The following CEMIP2 variants were observed in gnomAD, a reference collection of about 807,000 sequenced individuals.
CEMIP2 encodes the protein cell surface hyaluronidase CEMIP2.
In CEMIP2, 79 loss-of-function variants were observed where a neutral mutation model predicts 146.9. That is an observed-to-expected ratio of 0.54 (90% CI 0.45 to 0.65). The LOEUF is 0.65. CEMIP2 is among the 30% of genes least tolerant of loss of function. The pLI is 0.00. For missense variants in CEMIP2, 1,596 were observed against 1,696.2 expected (o/e 0.94, Z 1.04); for synonymous variants, 601 against 606.3 (o/e 0.99, Z 0.13).
chr9:71,700,397 G>A (rs771568310), intron 19 of CEMIP2, among the ~76,000 whole-genome samples: 32 of 152,028 alleles, frequency 2.1e-4, no homozygotes, highest in Non-Finnish European at 2.5e-4. Context: ...ATTCTTCATC[G>A]ACAAGGGATA....
intron 12 of CEMIP2, 37 bp downstream of exon 12, chr9:71,722,390 G>T: frequency 6.5e-7 from 1 of 1,540,230 alleles, no homozygotes; most frequent in Non-Finnish European, 8.9e-7. Flanking sequence ...CTTTGGCAAA[G>T]TATAGCTTGA....
In CEMIP2 at chr9:71,709,335, T is replaced by C; in HGVS notation, c.2909A>G (p.Asn970Ser). The C allele has an allele frequency of 6.2e-7, 1 of 1,614,194 alleles. No individual in the cohort carries two copies. The highest frequency in any genetic ancestry group is 2.2e-5 in the East Asian group (1 of 44,874). The change falls in exon 17 of 24, where the codon AAC becomes AGC. Residue 970 changes from asparagine to serine, a missense_variant. By Grantham distance (46) the Asn-to-Ser change is conservative. Transcript: ENST00000377044. ...YKDAYVGRMD[N>S]YLIRHPSCVN... ...ACAGCTTGGATGGCGGATCAGGTAG[T>C]TGTCCATTCTTCCCACATAAGCATC...
rs893187005 is a variant in CEMIP2 at position 71,697,819 on chromosome 9, T to C, written c.3597+166A>G. ...TATCTCTGTCATAAATTTGAACTAGTTTGCTTCTTACGCGCTTCACATTTT... is the reference window on the plus strand; with the variant it reads ...TATCTCTGTCATAAATTTGAACTAGCTTGCTTCTTACGCGCTTCACATTTT... On this transcript the variant is annotated intron_variant, in intron 20 of 23. Transcript: ENST00000377044. The C allele has an allele frequency of 3.5e-5, 22 of 623,662 alleles. No individual in the cohort carries two copies. The East Asian group carries it at 6.2e-4, about 18-fold the overall frequency. 38.6% of individuals were successfully genotyped at this position (623,662 alleles called of 1,614,324 possible).
intron 1 of CEMIP2, among the ~76,000 whole-genome samples, chr9:71,757,991 A>G (rs893973717): frequency 6.6e-6 from 1 of 152,222 alleles, no homozygotes; most frequent in Non-Finnish European, 1.5e-5. Flanking sequence ...TAACTATTAT[A>G]AAGGTTTTCA....
In CEMIP2 at chr9:71,746,219, T is replaced by C. The variant is rs1489451937; in HGVS notation, c.454A>G (p.Ile152Val). The C allele has an allele frequency of 8.7e-6, 14 of 1,613,892 alleles. No individual in the cohort carries two copies. The highest frequency in any genetic ancestry group is 7.7e-5 in the South Asian group (7 of 91,072). ...TACCTACCTCCATCCTGAATGACTA[T>C]AGAATGCACGGTGGCGTCTGAGGTC... is the stretch of plus-strand genomic sequence containing the variant. Reference protein sequence around the residue: ...RLTSDATVHSIVIQDGGLLVF... With the variant: ...RLTSDATVHSVVIQDGGLLVF... The change falls in exon 3 of 24, where the codon ATA (isoleucine) becomes GTA (valine). Residue 152 changes from isoleucine (I) to valine (V), a missense_variant. Transcript: ENST00000377044.
intron 20 of CEMIP2, among the ~76,000 whole-genome samples, chr9:71,696,471 A>G (rs1478231869): frequency 2.0e-5 from 3 of 151,350 alleles, no homozygotes; most frequent in Non-Finnish European, 4.4e-5. Context: ...TAGAGTTGCC[A>G]TTAAAAAAAA....
intron 10 of CEMIP2, among the ~76,000 whole-genome samples, chr9:71,727,819 G>C (rs1159690251): frequency 6.6e-6 from 1 of 152,150 alleles, no homozygotes; most frequent in African/African-American, 2.4e-5. Context: ...CCAGCACTTT[G>C]GGAGGCCAAG....
chr9:71,717,862 T>G (rs1406965863), intron 13 of CEMIP2, 86 bp downstream of exon 13: 4 of 1,269,274 alleles, frequency 3.2e-6, no homozygotes, highest in African/African-American at 3.0e-5. Context: ...GAATCATCAC[T>G]GTGCTTTCAT....
intron 12 of CEMIP2, among the ~76,000 whole-genome samples, chr9:71,721,560 A>T (rs953824053): frequency 2.0e-5 from 3 of 152,190 alleles, no homozygotes; most frequent in Non-Finnish European, 4.4e-5. Flanking sequence ...GTCTTATTAA[A>T]GTGTTGTGAG....
intron 10 of CEMIP2, among the ~76,000 whole-genome samples, chr9:71,728,251 G>A (rs7030472): frequency 0.33 from 4,661 of 13,984 alleles, 1,354 homozygotes; most frequent in Non-Finnish European, 0.46. Flanking sequence ...ATATATATAT[G>A]TATATACACG....
intron 1 of CEMIP2, among the ~76,000 whole-genome samples, chr9:71,765,896 G>A (rs1482786912): frequency 6.6e-6 from 1 of 152,100 alleles, no homozygotes; most frequent in Middle Eastern, 3.2e-3. Flanking sequence ...CTTCCAGAGG[G>A]TCTGGACCAC....
At chr9:71,729,820 C>G in intron 10 of CEMIP2, 25 bp downstream of exon 10, 1 of 1,607,958 alleles carries the variant, frequency 6.2e-7, no homozygotes, top group Non-Finnish European at 8.5e-7. Context: ...ATTAAAACAT[C>G]TGAGGTCACT....
chr9:71,728,302 C>CGTGT lies in CEMIP2; in HGVS notation c.2049+1542_2049+1543insACAC, dbSNP rs1554684803. ...ATATGTATATATATATATATATATA[C>CGTGT]ATATATATATATATACGTATATATA... On this transcript the variant is annotated intron_variant, in intron 10 of 23. Transcript: ENST00000377044. Among the ~76,000 whole-genome samples the CGTGT allele has an allele frequency of 1.7e-4, 2 of 11,584 alleles. 1 individual carries two copies. Among genetic ancestry groups the CGTGT allele is most frequent in the East Asian group, 8.3e-3 (2 of 242 alleles). 7.6% of individuals were successfully genotyped at this position (11,584 alleles called of 152,430 possible).
At chr9:71,687,183 A>G (rs1163742889) in intron 22 of CEMIP2, 1 of 152,226 alleles carries the variant, frequency 6.6e-6, no homozygotes, top group Non-Finnish European at 1.5e-5. Context: ...TTATTCTTCC[A>G]GATGAACTAC....
chr9:71,764,518 C>T (rs1441856417), intron 1 of CEMIP2, among the ~76,000 whole-genome samples: 1 of 151,882 alleles, frequency 6.6e-6, no homozygotes, highest in Non-Finnish European at 1.5e-5. Context: ...TATTTAGCCT[C>T]TCTGGGTCCC....
intron 2 of CEMIP2, among the ~76,000 whole-genome samples, chr9:71,747,225 C>T (rs1422249724): frequency 1.3e-5 from 2 of 152,186 alleles, no homozygotes; most frequent in Non-Finnish European, 2.9e-5. Flanking sequence ...TGTGGAGCAT[C>T]AATTTATCCA....
Position 71,734,955 on chromosome 9 carries a change from C to G in CEMIP2, c.1244G>C (p.Gly415Ala). Residue 415 changes from glycine (G) to alanine (A), a missense_variant, in exon 6 of 24, where the codon GGA becomes GCA. By Grantham distance (60) the Gly-to-Ala change is moderately conservative (BLOSUM62 0). Coordinates refer to ENST00000377044, the MANE Select transcript of CEMIP2 (RefSeq NM_013390.3). ...LSGFRVEVVD[G>A]VKLNLLDDVS... ...ATCATCTAGCAAATTTAGCTTCACT[C>G]CATCTACAACCTCTACCCGGAATCC... 1.2e-6 allele frequency: 2 copies of G among 1,613,430 alleles called. No individual in the cohort carries two copies. The highest frequency in any genetic ancestry group is 1.7e-6 in the Non-Finnish European group (2 of 1,179,910).
chr9:71,746,915 C>T (rs1359192564), intron 2 of CEMIP2, among the ~76,000 whole-genome samples: 1 of 152,126 alleles, frequency 6.6e-6, no homozygotes, highest in Non-Finnish European at 1.5e-5. Context: ...TGGCTAAAGA[C>T]ATAACTTCTC....
intron 17 of CEMIP2, among the ~76,000 whole-genome samples, chr9:71,706,987 C>A (rs532389517): frequency 6.6e-6 from 1 of 152,232 alleles, no homozygotes; most frequent in Admixed American, 6.5e-5. Flanking sequence ...CACCACCACG[C>A]CTGGCTAATT....
Sources: allele counts gnomAD v4.1 joint callset (sites outside exome capture counted in the v4.1 genomes callset), GRCh38; gene constraint gnomAD v4.1.1; transcripts MANE v1.5; gene names NCBI Gene and HGNC (gene_info 2026-07-23, HGNC 2026-07-21).